The following PLXNA4 variants were observed in gnomAD, a reference collection of about 807,000 sequenced individuals.
PLXNA4 encodes plexin-A4.
In PLXNA4, 44 loss-of-function variants were observed where a neutral mutation model predicts 191.8. The ratio of observed to expected loss-of-function variants is 0.23; its 90% CI spans 0.18 to 0.29. PLXNA4 has a LOEUF of 0.29. PLXNA4 is among the 10% of genes least tolerant of loss of function. The pLI, the probability that PLXNA4 is intolerant of heterozygous loss-of-function variation, is 1.00. For missense variants in PLXNA4, 1,800 were observed against 2,488.8 expected, an observed-to-expected ratio of 0.72 and a Z score of 5.89; for synonymous variants, 1,082 against 1,009.5, an observed-to-expected ratio of 1.07 and a Z score of -1.36.
chr7:132,218,667 C>G (rs1798046549), intron 9 of PLXNA4, among the ~76,000 whole-genome samples: 2 of 152,150 alleles, frequency 1.3e-5, no homozygotes, highest in Non-Finnish European at 2.9e-5. Context: ...ATTCCAAAAC[C>G]ACCTGGGGAC....
chr7:132,582,614 C>A (rs1422975514), intron 2 of PLXNA4, among the ~76,000 whole-genome samples: 1 of 152,174 alleles, frequency 6.6e-6, no homozygotes, highest in Admixed American at 6.5e-5. Context: ...CTTGCCAGCC[C>A]CATGAGTGAG....
chr7:132,646,911 A>G (rs1171107943), intron 1 of PLXNA4, among the ~76,000 whole-genome samples: 1 of 151,792 alleles, frequency 6.6e-6, no homozygotes, highest in Non-Finnish European at 1.5e-5. Context: ...TCACACGTAC[A>G]CCAACATACA....
At chr7:132,192,095 AGAGCAGAGGTG>A (rs552553870) in intron 14 of PLXNA4, among the ~76,000 whole-genome samples, 22 of 152,246 alleles carry the variant, frequency 1.4e-4, no homozygotes, top group African/African-American at 4.8e-4. Context: ...TGGCCCTCGG[AGAGCAGAGGTG>A]GAGCAGATGC....
chr7:132,517,290 A>G (rs1798979417), intron 1 of PLXNA4, among the ~76,000 whole-genome samples: 1 of 152,178 alleles, frequency 6.6e-6, no homozygotes, highest in African/African-American at 2.4e-5. Context: ...CTGTGTGAAT[A>G]GCAAGGTCAT....
At chr7:132,160,552 G>T (rs1408660251) in intron 24 of PLXNA4, among the ~76,000 whole-genome samples, 1 of 152,196 alleles carries the variant, frequency 6.6e-6, no homozygotes, top group Non-Finnish European at 1.5e-5. Flanking sequence ...GAGGGGAACG[G>T]GGTGGGTGCT....
chr7:132,155,946 A>G (rs1238112501), intron 25 of PLXNA4, among the ~76,000 whole-genome samples: 3 of 152,184 alleles, frequency 2.0e-5, no homozygotes, highest in Admixed American at 2.0e-4. Flanking sequence ...TGACTGGAAC[A>G]AAAGACTGAC....
At chr7:132,466,745 C>G (rs985513965) in intron 3 of PLXNA4, among the ~76,000 whole-genome samples, 2 of 152,188 alleles carry the variant, frequency 1.3e-5, no homozygotes, top group African/African-American at 4.8e-5. Context: ...TTCTTTTTCT[C>G]TTCTCTCTCC....
At chr7:132,148,367 A>G (rs1212676992) in intron 26 of PLXNA4, among the ~76,000 whole-genome samples, 176 bp downstream of exon 26, 1 of 152,172 alleles carries the variant, frequency 6.6e-6, no homozygotes, top group African/African-American at 2.4e-5. Flanking sequence ...CTATCTCCAA[A>G]GAGGTCAGGG....
rs992078674 is a variant in PLXNA4, at chr7:132,455,972, C to G, written c.1371+33320G>C. Among the ~76,000 whole-genome samples, 8 of 152,188 alleles carry G rather than the reference C, an allele frequency of 5.3e-5. No individual in the cohort carries two copies. The East Asian group carries it at 1.4e-3, about 26-fold the overall frequency. ...AGCCTTCTGCAGCTCACAGGATGGA[C>G]GAGAGAAGGTGCCCCTCCCTTGTCT... On this transcript the variant is annotated intron_variant, in intron 3 of 31. Coordinates refer to ENST00000321063, the MANE Select transcript of PLXNA4 (RefSeq NM_020911.2).
intron 2 of PLXNA4, among the ~76,000 whole-genome samples, chr7:132,645,581 A>G (rs1027665385): frequency 6.6e-6 from 1 of 152,208 alleles, no homozygotes; most frequent in African/African-American, 2.4e-5. Flanking sequence ...CTGTAAGAAT[A>G]CTGGGAGAGG....
chr7:132,641,929 G>A (rs1272073192), intron 2 of PLXNA4, among the ~76,000 whole-genome samples: 1 of 152,160 alleles, frequency 6.6e-6, no homozygotes, highest in Non-Finnish European at 1.5e-5. Context: ...TTAAAAGTGA[G>A]ACACATCCCC....
intron 1 of PLXNA4, among the ~76,000 whole-genome samples, chr7:132,529,931 C>T (rs1222110942): frequency 6.6e-6 from 1 of 152,098 alleles, no homozygotes; most frequent in African/African-American, 2.4e-5. Context: ...TTATATGCAG[C>T]CAGAGTGGAT....
intron 1 of PLXNA4, among the ~76,000 whole-genome samples, chr7:132,562,418 T>A (rs552085959): frequency 1.1e-4 from 14 of 127,432 alleles, no homozygotes; most frequent in African/African-American, 4.5e-4. Context: ...CTTCTCCTCC[T>A]TCTCCTACTC....
intron 3 of PLXNA4, among the ~76,000 whole-genome samples, chr7:132,317,250 G>C (rs1801977947): frequency 6.6e-6 from 1 of 151,618 alleles, no homozygotes; most frequent in Admixed American, 6.6e-5. Flanking sequence ...AGATTGGACT[G>C]GGTTGGGTTG....
At position 132,159,321 on chromosome 7, in the gene PLXNA4, G is replaced by A. The variant is rs901591578; in HGVS notation, c.4660+152C>T. The A allele has an allele frequency of 5.4e-6, 7 of 1,285,892 alleles. No homozygotes were observed. In the African/African-American group the frequency reaches 1.0e-4, roughly 19 times the overall value. 79.7% of individuals were successfully genotyped at this position (1,285,892 alleles called of 1,614,324 possible). A position where few individuals can be genotyped will look rare whatever the true frequency, so the allele number is the denominator to read the frequency against. The stretch of plus-strand genomic sequence containing the variant: ...GCAGGCCAGGAAGGCAACCCCATGG[G>A]CTCCTGCGGGGGTCCAGCCATGCCT... On this transcript the variant is annotated intron_variant, in intron 25 of 31. Coordinates refer to ENST00000321063, the MANE Select transcript of PLXNA4 (RefSeq NM_020911.2).
intron 2 of PLXNA4, among the ~76,000 whole-genome samples, chr7:132,597,565 C>T (rs1442844473): frequency 1.4e-5 from 2 of 142,618 alleles, no homozygotes; most frequent in Non-Finnish European, 1.5e-5. Context: ...CATGCATCGT[C>T]TCTCTCCTTT....
At chr7:132,224,227 G>A (rs910165030) in intron 8 of PLXNA4, among the ~76,000 whole-genome samples, 8 of 152,122 alleles carry the variant, frequency 5.3e-5, no homozygotes, top group African/African-American at 1.9e-4. Context: ...TCTCCATACA[G>A]GCTATGCCCT....
At chr7:132,496,372 T>C (rs1403379988) in intron 2 of PLXNA4, among the ~76,000 whole-genome samples, 3 of 151,960 alleles carry the variant, frequency 2.0e-5, no homozygotes, top group Non-Finnish European at 2.9e-5. Flanking sequence ...AAATTCCTGG[T>C]GACAGAAAAA....
intron 4 of PLXNA4, among the ~76,000 whole-genome samples, chr7:132,282,341 G>C (rs752940174): frequency 6.6e-5 from 10 of 152,138 alleles, no homozygotes; most frequent in Non-Finnish European, 1.2e-4. Context: ...GGGAGACCAA[G>C]GCAGGTGGAT....
Sources: allele counts gnomAD v4.1 joint callset (sites outside exome capture counted in the v4.1 genomes callset), GRCh38; gene constraint gnomAD v4.1.1; transcripts MANE v1.5; gene names NCBI Gene and HGNC (gene_info 2026-07-23, HGNC 2026-07-21).